The following COL24A1 variants were observed in gnomAD, a reference collection of about 807,000 sequenced individuals.
COL24A1 encodes collagen alpha-1(XXIV) chain.
Under a neutral mutation model 253.9 loss-of-function variants are expected in COL24A1, and 224 were observed. That is an observed-to-expected ratio of 0.88 (90% CI 0.79 to 0.99). The LOEUF (loss-of-function observed/expected upper bound fraction) is 0.99, where lower values mean the gene tolerates loss of function less well. Ranked by LOEUF, COL24A1 falls within the 50% of genes least tolerant of loss-of-function variation. COL24A1 has a pLI of 0.00. For synonymous variants in COL24A1, 685 were observed against 673.7 expected (o/e 1.02, Z -0.26); for missense variants, 2,131 against 2,068.5 (o/e 1.03, Z -0.59).
chr1:85,757,273 A>T (rs1012363238), intron 55 of COL24A1, among the ~76,000 whole-genome samples: 88 of 152,190 alleles, frequency 5.8e-4, no homozygotes, highest in African/African-American at 2.1e-3. Flanking sequence ...CCTTAGACCA[A>T]ACTATCCTAC....
chr1:85,825,298 C>A (rs1674155446), intron 43 of COL24A1, among the ~76,000 whole-genome samples: 1 of 152,036 alleles, frequency 6.6e-6, no homozygotes, highest in Non-Finnish European at 1.5e-5. Context: ...GTATATGAGC[C>A]ACATTTTCTT....
At chr1:85,882,087 A>C (rs1276687539) in intron 32 of COL24A1, among the ~76,000 whole-genome samples, 1 of 152,198 alleles carries the variant, frequency 6.6e-6, no homozygotes, top group Non-Finnish European at 1.5e-5. Context: ...ATAAGTTATT[A>C]AAAGTGTATT....
intron 53 of COL24A1, among the ~76,000 whole-genome samples, chr1:85,773,121 T>C (rs554128570): frequency 2.6e-4 from 39 of 152,308 alleles, no homozygotes; most frequent in Non-Finnish European, 4.3e-4. Flanking sequence ...ATTTATTAAA[T>C]AGGGAATCTT....
At chr1:85,891,005 C>A (rs1015368164) in intron 31 of COL24A1, among the ~76,000 whole-genome samples, 4 of 152,022 alleles carry the variant, frequency 2.6e-5, no homozygotes, top group African/African-American at 9.7e-5. Context: ...GCACTGATGA[C>A]CACTGACAAT....
At chr1:86,131,815 T>G (rs1649260907) in intron 2 of COL24A1, among the ~76,000 whole-genome samples, 1 of 152,172 alleles carries the variant, frequency 6.6e-6, no homozygotes. Flanking sequence ...AGTGCCGCAA[T>G]AAACATATGT....
At chr1:85,780,958 CTA>C (rs1376861959) in intron 52 of COL24A1, among the ~76,000 whole-genome samples, 1 of 152,070 alleles carries the variant, frequency 6.6e-6, no homozygotes, top group Non-Finnish European at 1.5e-5. Context: ...GAGTTCATCT[CTA>C]TGTTTATAAC....
intron 5 of COL24A1, among the ~76,000 whole-genome samples, chr1:86,095,298 ACT>A (rs1254266151): frequency 1.3e-5 from 2 of 152,082 alleles, no homozygotes; most frequent in Non-Finnish European, 2.9e-5. Flanking sequence ...TTTAAAGGGT[ACT>A]TTTTCTTCAT....
chr1:85,786,954 G>A (rs1228756215), intron 47 of COL24A1, among the ~76,000 whole-genome samples: 2 of 152,110 alleles, frequency 1.3e-5, no homozygotes, highest in African/African-American at 2.4e-5. Flanking sequence ...AAATCAGGTT[G>A]GCAAACTACA....
intron 37 of COL24A1, among the ~76,000 whole-genome samples, chr1:85,865,534 T>TAAC (rs1421954283): frequency 1.3e-5 from 2 of 152,218 alleles, no homozygotes; most frequent in African/African-American, 2.4e-5. Flanking sequence ...TGCCTTGTTT[T>TAAC]GAGTCCCATT....
chr1:85,791,431 T>C (rs973342512), intron 47 of COL24A1, among the ~76,000 whole-genome samples: 3 of 152,162 alleles, frequency 2.0e-5, no homozygotes, highest in Non-Finnish European at 1.5e-5. Context: ...AAAAAAGAAT[T>C]ATTGGATAAA....
At chr1:85,876,386 C>T (rs562130748) in intron 33 of COL24A1, among the ~76,000 whole-genome samples, 1 of 152,012 alleles carries the variant, frequency 6.6e-6, no homozygotes, top group Non-Finnish European at 1.5e-5. Flanking sequence ...GGGAATTAAA[C>T]AGAGGAAGAA....
chr1:85,862,468 G>A (rs1679267152), intron 37 of COL24A1, among the ~76,000 whole-genome samples: 1 of 152,134 alleles, frequency 6.6e-6, no homozygotes, highest in African/African-American at 2.4e-5. Context: ...GACCATTCCT[G>A]ACTGATACAG....
intron 2 of COL24A1, among the ~76,000 whole-genome samples, chr1:86,138,689 G>T (rs1457401363): frequency 6.6e-6 from 1 of 151,994 alleles, no homozygotes; most frequent in Non-Finnish European, 1.5e-5. Context: ...TTTGTAAATT[G>T]CCCAGTCTTG....
intron 47 of COL24A1, among the ~76,000 whole-genome samples, chr1:85,805,112 G>A (rs964913785): frequency 6.6e-6 from 1 of 152,130 alleles, no homozygotes; most frequent in African/African-American, 2.4e-5. Flanking sequence ...AAGAGCTGGG[G>A]ATTACAGGCA....
At chr1:85,990,799 AT>A (rs1694183046) in intron 19 of COL24A1, among the ~76,000 whole-genome samples, 1 of 152,216 alleles carries the variant, frequency 6.6e-6, no homozygotes, top group Non-Finnish European at 1.5e-5. Flanking sequence ...TCATAAGTTC[AT>A]AATGATACAA....
Position 85,819,051 on chromosome 1 carries a change from T to TC in COL24A1, c.3790-965dup, listed in dbSNP as rs561915986. Among the ~76,000 whole-genome samples the TC allele has an allele frequency of 6.0e-4, 91 of 152,312 alleles. 1 individual carries two copies. Among genetic ancestry groups the TC allele is most frequent in the African/African-American group, 2.1e-3 (87 of 41,572 alleles). ...GAGCATCTTCTCTAAGAGATAAAAATCCAACTTTTGCAGGATTTGACAATG... is the reference window on the plus strand; with the variant it reads ...GAGCATCTTCTCTAAGAGATAAAAATCCCAACTTTTGCAGGATTTGACAATG... On this transcript the variant is annotated intron_variant, in intron 45 of 59. Coordinates refer to ENST00000370571, the MANE Select transcript of COL24A1 (RefSeq NM_152890.7).
At chr1:86,102,388 GTTCAGCTCTGA>G (rs1202904216) in intron 5 of COL24A1, among the ~76,000 whole-genome samples, 1 of 152,050 alleles carries the variant, frequency 6.6e-6, no homozygotes, top group Non-Finnish European at 1.5e-5. Flanking sequence ...ATCTCCTTCA[GTTCAGCTCTGA>G]TTTTGGTTAT....
intron 45 of COL24A1, among the ~76,000 whole-genome samples, chr1:85,820,661 ACT>A (rs1390535891): frequency 6.6e-6 from 1 of 152,168 alleles, no homozygotes; most frequent in Non-Finnish European, 1.5e-5. Context: ...AGTGGGGAAA[ACT>A]CTAAATCAAA....
chr1:85,828,016 G>A (rs536481029), intron 43 of COL24A1, among the ~76,000 whole-genome samples: 13 of 152,014 alleles, frequency 8.6e-5, no homozygotes, highest in African/African-American at 3.1e-4. Flanking sequence ...GTGATGTTAG[G>A]GTGTCAATTT....
Sources: gnomAD v4.1 joint callset for allele counts (sites outside exome capture counted in the v4.1 genomes callset) on GRCh38, gnomAD v4.1.1 for gene constraint, MANE v1.5 for transcripts, NCBI Gene and HGNC (gene_info 2026-07-23, HGNC 2026-07-21) for gene names.